Variants in UNC5A observed in about 807,000 individuals in gnomAD.
UNC5A encodes the protein unc-5 netrin receptor A.
In UNC5A, 20 loss-of-function variants were observed where a neutral mutation model predicts 87.4. The observed-to-expected ratio is 0.23, with a 90% confidence interval of 0.16 to 0.33. UNC5A has a LOEUF of 0.33. UNC5A is among the 10% of genes least tolerant of loss of function. The pLI is 1.00. For missense variants in UNC5A, 844 were observed against 1,133.4 expected, an observed-to-expected ratio of 0.74 and a Z score of 3.67; for synonymous variants, 438 against 482.3, an observed-to-expected ratio of 0.91 and a Z score of 1.20.
At chr5:176,851,937 C>T (rs1053418175) in intron 1 of UNC5A, among the ~76,000 whole-genome samples, 17 of 152,204 alleles carry the variant, frequency 1.1e-4, no homozygotes, top group African/African-American at 2.9e-4. Context: ...TGATCTGCCC[C>T]GGCTCTGCCA....
chr5:176,830,188 C>T (rs1756964442), intron 1 of UNC5A, among the ~76,000 whole-genome samples: 1 of 152,182 alleles, frequency 6.6e-6, no homozygotes. Flanking sequence ...TCAGACAGAC[C>T]ACCTCCGCCA....
intron 1 of UNC5A, among the ~76,000 whole-genome samples, chr5:176,853,782 G>A (rs1757602018): frequency 1.3e-5 from 2 of 152,262 alleles, no homozygotes; most frequent in South Asian, 4.1e-4. Flanking sequence ...GGGACTCTGG[G>A]CTCAGACCTG....
intron 1 of UNC5A, among the ~76,000 whole-genome samples, chr5:176,840,370 G>A (rs892876085): frequency 1.3e-5 from 2 of 152,204 alleles, no homozygotes; most frequent in African/African-American, 4.8e-5. Context: ...TGTGAGTCGG[G>A]GGAGGGGCTG....
In UNC5A at chr5:176,879,903, C is replaced by A. The variant is rs1758375825; in HGVS notation, c.*17C>A. On this transcript the variant is annotated 3_prime_UTR_variant, in exon 15 of 15. Transcript: ENST00000329542. ...GAGTGCTGAGGCCGGCCAGGCCCGA[C>A]ACCTACACTCTCACCAGCTTTGGCA... is the stretch of plus-strand genomic sequence containing the variant. 2.0e-6 allele frequency: 3 copies of A among 1,533,322 alleles called. No individual in the cohort carries two copies. In the African/African-American group the frequency reaches 4.3e-5, roughly 22 times the overall value. 95.0% of individuals were successfully genotyped at this position (1,533,322 alleles called of 1,614,324 possible).
chr5:176,877,524 C>T lies in UNC5A; in HGVS notation c.1467-11C>T, dbSNP rs1176380978. ...CACCTTTCCCTCCCCACCCATATTT[C>T]CCCACTTGAGGTTGCCCCTAGCTGG... On this transcript the variant is annotated splice_polypyrimidine_tract_variant and intron_variant, in intron 9 of 14. Transcript: ENST00000329542. The T allele has an allele frequency of 2.2e-5, 34 of 1,576,030 alleles. No homozygotes were observed. Among genetic ancestry groups the T allele is most frequent in the Non-Finnish European group, 2.9e-5 (33 of 1,156,606 alleles).
In UNC5A at chr5:176,880,891, A is replaced by ATG; in HGVS notation, c.*1006_*1007insGT. 1 of 573,202 alleles carries ATG rather than the reference A, an allele frequency of 1.7e-6. No individual in the cohort carries two copies. The highest frequency in any genetic ancestry group is 2.9e-6 in the Non-Finnish European group (1 of 339,284). 35.5% of individuals were successfully genotyped at this position (573,202 alleles called of 1,614,324 possible). ...GAATGTAAATAAATTATATATATAT[A>ATG]TTGCTAACCTGAGTGCTACTTCTCT... is the stretch of plus-strand genomic sequence containing the variant. On this transcript the variant is annotated 3_prime_UTR_variant, in exon 15 of 15. Coordinates refer to ENST00000329542, the MANE Select transcript of UNC5A (RefSeq NM_133369.3).
At chr5:176,879,579 G>A in intron 14 of UNC5A, 91 bp downstream of exon 14, 2 of 1,543,204 alleles carry the variant, frequency 1.3e-6, no homozygotes, top group Non-Finnish European at 1.7e-6. Context: ...AGGCCCTGTG[G>A]GGCCTGTGCC....
At position 176,839,276 on chromosome 5, in the gene UNC5A, C is replaced by T. The variant is rs547753761; in HGVS notation, c.71-23348C>T. Among the ~76,000 whole-genome samples, 9 of 152,354 alleles carry T rather than the reference C, an allele frequency of 5.9e-5. No individual in the cohort carries two copies. In the South Asian group the frequency reaches 1.9e-3, roughly 32 times the overall value. On this transcript the variant is annotated intron_variant, in intron 1 of 14. Transcript: ENST00000329542. ...AGGGGATAAGTGGATTAGCTGGGAG[C>T]AGGTAGGGGGGCCAAGGCCACTCAG...
rs865781087 is a variant in UNC5A, at chr5:176,841,163, A to G, written c.71-21461A>G. Among the ~76,000 whole-genome samples, 2 of 152,240 alleles carry G rather than the reference A, an allele frequency of 1.3e-5. No individual in the cohort carries two copies. Among genetic ancestry groups the G allele is most frequent in the South Asian group, 4.1e-4 (2 of 4,838 alleles). On this transcript the variant is annotated intron_variant, in intron 1 of 14. Transcript: ENST00000329542. This position sits in a 1 kb window ranked among gnomAD's most constrained non-coding sequence, Gnocchi z 4.1. ...GGTCAGGGGGTCAGGACCACATGGT[A>G]ATGATCACGAGCTAAAGTTGCAGGG...
intron 6 of UNC5A, 128 bp from the exon 7 acceptor site, chr5:176,873,840 C>T (rs1199744238): frequency 2.1e-5 from 19 of 913,066 alleles, no homozygotes; most frequent in Non-Finnish European, 2.6e-5. Context: ...CTGCCACAAG[C>T]GTCTGCTCCC....
At chr5:176,812,393 G>A (rs530441114) in intron 1 of UNC5A, among the ~76,000 whole-genome samples, 8 of 152,358 alleles carry the variant, frequency 5.3e-5, no homozygotes, top group East Asian at 1.9e-4. Context: ...ACGTGAGCAC[G>A]TGTGAAGGCT....
At chr5:176,863,381 A>G (rs1057137663) in intron 2 of UNC5A, among the ~76,000 whole-genome samples, 2 of 152,122 alleles carry the variant, frequency 1.3e-5, no homozygotes, top group African/African-American at 4.8e-5. Context: ...GACCAAACTG[A>G]TGCCACTGTC....
At chr5:176,858,707 AAGAAAG>A (rs1445979465) in intron 1 of UNC5A, among the ~76,000 whole-genome samples, 1 of 66,560 alleles carries the variant, frequency 1.5e-5, no homozygotes, top group East Asian at 4.3e-4. Context: ...AAGCGAAAGA[AAGAAAG>A]AGAGAGAGAG....
At position 176,875,103 on chromosome 5, in the gene UNC5A, G is replaced by C. The variant is rs764842633; in HGVS notation, c.1378+537G>C. 3.3e-5 allele frequency among the ~76,000 whole-genome samples: 5 copies of C among 152,162 alleles called. No homozygotes were observed. Among genetic ancestry groups the C allele is most frequent in the Non-Finnish European group, 7.4e-5 (5 of 68,022 alleles). On this transcript the variant is annotated intron_variant, in intron 8 of 14. Coordinates refer to ENST00000329542, the MANE Select transcript of UNC5A (RefSeq NM_133369.3). The surrounding 1 kb of genome is among the most constrained non-coding windows in gnomAD (Gnocchi z 5.2). ...AGATGACCCCATGCGCTCCTGGTTT[G>C]CTTGCCCCTCTCCAGCTGCCTGTTC...
intron 6 of UNC5A, among the ~76,000 whole-genome samples, chr5:176,872,147 C>A (rs1343503109): frequency 4.2e-4 from 38 of 90,628 alleles, no homozygotes; most frequent in South Asian, 9.1e-4. Context: ...ACACTCGCCC[C>A]ACACCACAGC....
rs35306601 is a variant in UNC5A, at chr5:176,827,179, C to CTTTTTT, written c.70+16375_70+16380dup. Among the ~76,000 whole-genome samples, 16 of 107,574 alleles carry CTTTTTT rather than the reference C, an allele frequency of 1.5e-4. 2 individuals are homozygous for CTTTTTT. The highest frequency in any genetic ancestry group is 2.7e-4 in the East Asian group (1 of 3,748). 70.6% of individuals were successfully genotyped at this position (107,574 alleles called of 152,430 possible). On this transcript the variant is annotated intron_variant, in intron 1 of 14. Coordinates refer to ENST00000329542, the MANE Select transcript of UNC5A (RefSeq NM_133369.3). ...GAAAGCATGCATCACTGCTTCATTCCTTTTTTTTTTTTTTTTTTTTTGAGA... is the reference window on the plus strand; with the variant it reads ...GAAAGCATGCATCACTGCTTCATTCCTTTTTTTTTTTTTTTTTTTTTTTTTTTGAGA...
chr5:176,815,435 G>A (rs895990469), intron 1 of UNC5A, among the ~76,000 whole-genome samples: 1 of 152,230 alleles, frequency 6.6e-6, no homozygotes, highest in Non-Finnish European at 1.5e-5. Context: ...AAGCTTTGGA[G>A]GCAGTCAGGG....
chr5:176,839,429 GTGA>G (rs1757218654), intron 1 of UNC5A, among the ~76,000 whole-genome samples: 1 of 152,248 alleles, frequency 6.6e-6, no homozygotes, highest in Non-Finnish European at 1.5e-5. Flanking sequence ...CAGGAGCCTG[GTGA>G]TGGATGGCTG....
At chr5:176,878,753 TC>T in intron 13 of UNC5A, 114 bp downstream of exon 13, 1 of 1,375,598 alleles carries the variant, frequency 7.3e-7, no homozygotes, top group Non-Finnish European at 9.9e-7. Context: ...CTCCCGCCTG[TC>T]CCCAGGCCCA....
Sources: allele counts gnomAD v4.1 joint callset (sites outside exome capture counted in the v4.1 genomes callset), GRCh38; gene constraint gnomAD v4.1.1; non-coding constraint Gnocchi (gnomAD v3.1); transcripts MANE v1.5; gene names NCBI Gene and HGNC (gene_info 2026-07-23, HGNC 2026-07-21).